Variants in RAPGEF4 observed in about 807,000 individuals in gnomAD.
RAPGEF4 encodes the protein Rap guanine nucleotide exchange factor 4, also known as RAP guanine-nucleotide-exchange factor (GEF) 4.
Under a neutral mutation model 147.9 loss-of-function variants are expected in RAPGEF4, and 66 were observed. That is an observed-to-expected ratio of 0.45 (90% CI 0.37 to 0.55). The LOEUF (loss-of-function observed/expected upper bound fraction) is 0.55, where lower values mean the gene tolerates loss of function less well. Among genes scored for constraint, RAPGEF4 ranks in the 20% least tolerant of loss-of-function variants. The pLI, the probability that RAPGEF4 is intolerant of heterozygous loss-of-function variation, is 0.00. For synonymous variants in RAPGEF4, 419 were observed against 442.7 expected, an observed-to-expected ratio of 0.95 and a Z score of 0.67; for missense variants, 1,071 against 1,257.3, an observed-to-expected ratio of 0.85 and a Z score of 2.24.
At chr2:172,925,307 A>C (rs751122024) in intron 6 of RAPGEF4, among the ~76,000 whole-genome samples, 4 of 152,200 alleles carry the variant, frequency 2.6e-5, no homozygotes, top group Non-Finnish European at 4.4e-5. Context: ...TAAAATATGC[A>C]CACATCAACA....
At chr2:172,972,460 AG>A (rs1449954989) in intron 10 of RAPGEF4, among the ~76,000 whole-genome samples, 1 of 152,228 alleles carries the variant, frequency 6.6e-6, no homozygotes, top group Non-Finnish European at 1.5e-5. Flanking sequence ...TGAGAAGAAA[AG>A]CACGACCGAA....
chr2:172,912,191 A>G (rs1284073917), intron 4 of RAPGEF4, among the ~76,000 whole-genome samples: 2 of 152,174 alleles, frequency 1.3e-5, no homozygotes, highest in East Asian at 1.9e-4. Context: ...GAAGGGTCCA[A>G]AGGATTCTTT....
chr2:173,011,617 G>T (rs1034656733), intron 17 of RAPGEF4, among the ~76,000 whole-genome samples: 2 of 151,368 alleles, frequency 1.3e-5, no homozygotes, highest in Non-Finnish European at 2.9e-5. Context: ...CCAACATGTT[G>T]TCCAATGTAA....
intron 6 of RAPGEF4, among the ~76,000 whole-genome samples, chr2:172,932,336 T>C (rs1383884758): frequency 6.6e-6 from 1 of 152,242 alleles, no homozygotes; most frequent in African/African-American, 2.4e-5. Flanking sequence ...CAGCATGGTC[T>C]GGTCTGCAAG....
chr2:172,751,802 A>G lies in RAPGEF4; in HGVS notation c.65+15754A>G, dbSNP rs551410735. 1.3e-5 allele frequency among the ~76,000 whole-genome samples: 2 copies of G among 152,338 alleles called. 1 individual carries two copies. The highest frequency in any genetic ancestry group is 2.9e-5 in the Non-Finnish European group (2 of 68,020). On this transcript the variant is annotated intron_variant, in intron 1 of 30. Coordinates refer to ENST00000397081, the MANE Select transcript of RAPGEF4 (RefSeq NM_007023.4). ...CAAACACAGGCTGAATCAATGCGGC[A>G]CTGCCCTTTTGTTTGGTAACAAGGC...
chr2:172,997,382 G>A (rs886223182), intron 16 of RAPGEF4, among the ~76,000 whole-genome samples: 13 of 152,120 alleles, frequency 8.5e-5, no homozygotes, highest in Admixed American at 1.3e-4. Context: ...ACCTTAACTT[G>A]ACCACATCTG....
intron 11 of RAPGEF4, among the ~76,000 whole-genome samples, chr2:172,984,647 C>T (rs1692043592): frequency 6.6e-6 from 1 of 152,174 alleles, no homozygotes; most frequent in African/African-American, 2.4e-5. Context: ...CTGGGAGCCT[C>T]ACCTGGGAAG....
At chr2:172,892,526 C>T (rs990705208) in intron 4 of RAPGEF4, among the ~76,000 whole-genome samples, 3 of 152,202 alleles carry the variant, frequency 2.0e-5, no homozygotes, top group South Asian at 4.1e-4. Flanking sequence ...AACTCCAGAT[C>T]GTTGAGAAGT....
chr2:172,931,841 A>G (rs916774273), intron 6 of RAPGEF4, among the ~76,000 whole-genome samples: 7 of 152,192 alleles, frequency 4.6e-5, no homozygotes, highest in Non-Finnish European at 1.0e-4. Flanking sequence ...ATTGCAGTGT[A>G]CAGCTGCCTA....
chr2:172,909,015 G>C (rs907992329), intron 4 of RAPGEF4, among the ~76,000 whole-genome samples: 1 of 152,186 alleles, frequency 6.6e-6, no homozygotes, highest in Non-Finnish European at 1.5e-5. Context: ...GGTTTGGACA[G>C]GGAGTGTGCA....
chr2:172,748,411 G>T (rs374825166), intron 1 of RAPGEF4, among the ~76,000 whole-genome samples: 1 of 152,150 alleles, frequency 6.6e-6, no homozygotes, highest in African/African-American at 2.4e-5. Flanking sequence ...AAGGTGAAAG[G>T]CATGTCTTAC....
chr2:172,771,146 T>C lies in RAPGEF4; in HGVS notation c.66-23879T>C, dbSNP rs1683530990. Among the ~76,000 whole-genome samples, 7 of 152,070 alleles carry C rather than the reference T, an allele frequency of 4.6e-5. No individual in the cohort carries two copies. In the South Asian group the frequency reaches 1.5e-3, roughly 32 times the overall value. On this transcript the variant is annotated intron_variant, in intron 1 of 30. Transcript: ENST00000397081. The stretch of plus-strand genomic sequence containing the variant: ...AACAATAAATTATTTAAAAAATAAA[T>C]TTATTGCCCACAGTTCTGGAGGCTG...
At chr2:173,020,544 G>A in intron 22 of RAPGEF4, 74 bp from the exon 23 acceptor site, 1 of 1,181,228 alleles carries the variant, frequency 8.5e-7, no homozygotes, top group Admixed American at 1.7e-5. Context: ...CTGGCAATTT[G>A]TTGGTGTGAT....
chr2:172,834,226 A>G (rs969522151), intron 4 of RAPGEF4, among the ~76,000 whole-genome samples: 1 of 152,224 alleles, frequency 6.6e-6, no homozygotes, highest in Non-Finnish European at 1.5e-5. Flanking sequence ...GTTGAAGCTA[A>G]AGAACACTGA....
intron 6 of RAPGEF4, among the ~76,000 whole-genome samples, chr2:172,952,996 G>T (rs1236708375): frequency 6.6e-6 from 1 of 152,096 alleles, no homozygotes; most frequent in Non-Finnish European, 1.5e-5. Context: ...CAGAACAGTT[G>T]ACAGGGGGGG....
intron 6 of RAPGEF4, among the ~76,000 whole-genome samples, chr2:172,934,848 T>C (rs549631628): frequency 6.6e-6 from 1 of 152,180 alleles, no homozygotes; most frequent in South Asian, 2.1e-4. Context: ...ACTTCTAAGT[T>C]ACAGGTGGCA....
chr2:172,808,009 A>C (rs934520864), intron 3 of RAPGEF4, among the ~76,000 whole-genome samples: 2 of 152,232 alleles, frequency 1.3e-5, no homozygotes, highest in Admixed American at 1.3e-4. Flanking sequence ...ATGTCTGTTT[A>C]ATTGATTGTT....
intron 4 of RAPGEF4, among the ~76,000 whole-genome samples, chr2:172,829,155 T>A (rs1690012892): frequency 6.6e-6 from 1 of 152,156 alleles, no homozygotes; most frequent in South Asian, 2.1e-4. Context: ...TCAAAACTGA[T>A]CCAGTGGGAA....
intron 15 of RAPGEF4, among the ~76,000 whole-genome samples, chr2:172,995,342 T>A (rs1693242923): frequency 6.6e-6 from 1 of 150,970 alleles, no homozygotes. Context: ...TGCAGTGGTG[T>A]GATCTCCGCT....
Sources: gnomAD v4.1 joint callset for allele counts (sites outside exome capture counted in the v4.1 genomes callset) on GRCh38, gnomAD v4.1.1 for gene constraint, MANE v1.5 for transcripts, NCBI Gene and HGNC (gene_info 2026-07-23, HGNC 2026-07-21) for gene names.